Variants in CCDC178 observed in about 807,000 individuals in gnomAD.
CCDC178 encodes the protein coiled-coil domain-containing protein 178.
Under a neutral mutation model 117.4 loss-of-function variants are expected in CCDC178, and 126 were observed. The ratio of observed to expected loss-of-function variants is 1.07; its 90% CI spans 0.93 to 1.24. The LOEUF is 1.24. CCDC178 is among the 50% of genes most tolerant of loss of function. The pLI is 0.00. For synonymous variants in CCDC178, 283 were observed against 313.4 expected (o/e 0.90, Z 1.02); for missense variants, 1,030 against 986.9 (o/e 1.04, Z -0.59).
intron 21 of CCDC178, among the ~76,000 whole-genome samples, chr18:33,014,314 C>T (rs1013176377): frequency 6.6e-6 from 1 of 152,154 alleles, no homozygotes; most frequent in African/African-American, 2.4e-5. Flanking sequence ...TGTAAACAAG[C>T]GCATGCTTAG....
chr18:33,371,782 T>TACAC (rs769582307), intron 5 of CCDC178, among the ~76,000 whole-genome samples: 798 of 53,596 alleles, frequency 0.015, 7 homozygotes, highest in African/African-American at 0.029. Context: ...CATAAACATA[T>TACAC]ATACACACAC....
At chr18:33,333,128 T>C (rs374677433) in intron 10 of CCDC178, 46 bp downstream of exon 10, 53 of 1,225,700 alleles carry the variant, frequency 4.3e-5, no homozygotes, top group Non-Finnish European at 5.9e-5. Flanking sequence ...AGTTTTTGCA[T>C]AACTAAGTAA....
At position 33,382,753 on chromosome 18, in the gene CCDC178, T is replaced by C. The variant is rs867932642; in HGVS notation, c.208+6787A>G. Among the ~76,000 whole-genome samples, 171 of 152,226 alleles carry C rather than the reference T, an allele frequency of 1.1e-3. 1 individual carries two copies. The highest frequency in any genetic ancestry group is 3.8e-3 in the African/African-American group (158 of 41,552). On this transcript the variant is annotated intron_variant, in intron 5 of 22. Transcript: ENST00000383096. ...TCAAGCACAAAACTGGGTGACTGTT[T>C]GGGCAGGCACTGGGCTGCAGGAGTT...
chr18:33,339,292 G>A lies in CCDC178; in HGVS notation c.659-5898C>T, dbSNP rs144905802. The stretch of plus-strand genomic sequence containing the variant: ...AAGCTGAAACATAGTAATCAATAAA[G>A]GAAGCAAAAGTGGACTTTTTAAAAA... On this transcript the variant is annotated intron_variant, in intron 9 of 22. Coordinates refer to ENST00000383096, the MANE Select transcript of CCDC178 (RefSeq NM_001105528.4). Among the ~76,000 whole-genome samples, 1,195 of 151,928 alleles carry A rather than the reference G, an allele frequency of 7.9e-3. 10 individuals carry two copies. Among genetic ancestry groups the A allele is most frequent in the Middle Eastern group, 0.038 (11 of 292 alleles).
intron 14 of CCDC178, among the ~76,000 whole-genome samples, chr18:33,247,838 G>T (rs1259454476): frequency 6.6e-6 from 1 of 151,880 alleles, no homozygotes; most frequent in Non-Finnish European, 1.5e-5. Flanking sequence ...GGATGAATGT[G>T]TGGTGTGTGT....
At chr18:33,122,523 A>G (rs2057950693) in intron 20 of CCDC178, among the ~76,000 whole-genome samples, 1 of 152,154 alleles carries the variant, frequency 6.6e-6, no homozygotes, top group Admixed American at 6.6e-5. Flanking sequence ...GCAAGAATAT[A>G]ACAGGAAAAG....
At chr18:33,362,928 A>G (rs369845036) in intron 6 of CCDC178, among the ~76,000 whole-genome samples, 83 of 143,562 alleles carry the variant, frequency 5.8e-4, no homozygotes, top group African/African-American at 2.1e-3. Context: ...TTGCACCTCA[A>G]CTTTTAAAAT....
rs184785711 is a variant in CCDC178 at position 33,128,733 on chromosome 18, C to T, written c.2239-35823G>A. Reference sequence around the variant, plus strand: ...CTCTGGAAGGCACAATCTCTCTACACGGAGAGAAATCAGTGACTAACATTT... The same window carrying T: ...CTCTGGAAGGCACAATCTCTCTACATGGAGAGAAATCAGTGACTAACATTT... On this transcript the variant is annotated intron_variant, in intron 20 of 22. Coordinates refer to ENST00000383096, the MANE Select transcript of CCDC178 (RefSeq NM_001105528.4). 1.4e-4 allele frequency among the ~76,000 whole-genome samples: 21 copies of T among 152,280 alleles called. No homozygotes were observed. In the East Asian group the frequency reaches 2.5e-3, roughly 18 times the overall value.
At chr18:33,215,466 G>T (rs1019619497) in intron 19 of CCDC178, 84 bp downstream of exon 19, 1 of 792,718 alleles carries the variant, frequency 1.3e-6, no homozygotes, top group South Asian at 2.7e-5. Context: ...ACCATTTTAA[G>T]AATGCATTTT....
At chr18:33,340,590 G>A (rs2062804271) in intron 9 of CCDC178, among the ~76,000 whole-genome samples, 1 of 152,114 alleles carries the variant, frequency 6.6e-6, no homozygotes, top group South Asian at 2.1e-4. Context: ...TGTGGGCCAG[G>A]CCCAGGGTCC....
chr18:33,106,109 T>C (rs1349494121), intron 20 of CCDC178, among the ~76,000 whole-genome samples: 2 of 151,640 alleles, frequency 1.3e-5, no homozygotes, highest in Non-Finnish European at 3.0e-5. Flanking sequence ...CAAGTCTAAA[T>C]TGAAACAATG....
intron 21 of CCDC178, among the ~76,000 whole-genome samples, chr18:33,069,781 A>G (rs1172900330): frequency 6.6e-6 from 1 of 152,016 alleles, no homozygotes; most frequent in Non-Finnish European, 1.5e-5. Context: ...ACTATCCAAT[A>G]AAAGATTCAT....
intron 6 of CCDC178, 52 bp from the exon 7 acceptor site, chr18:33,356,398 A>G: frequency 7.1e-7 from 1 of 1,402,788 alleles, no homozygotes; most frequent in Non-Finnish European, 9.6e-7. Context: ...ATATTAAAAA[A>G]CTGAATAAAT....
chr18:32,983,289 T>C (rs1421995586), intron 21 of CCDC178: 3 of 1,525,006 alleles, frequency 2.0e-6, no homozygotes, highest in Non-Finnish European at 2.6e-6. Flanking sequence ...ACCTGAAAAT[T>C]TGAGAGTTCA....
intron 20 of CCDC178, among the ~76,000 whole-genome samples, chr18:33,208,936 C>T (rs2059076894): frequency 6.6e-6 from 1 of 151,852 alleles, no homozygotes; most frequent in African/African-American, 2.4e-5. Context: ...CATTGTATTT[C>T]TCTCATAAGC....
chr18:33,202,222 T>C (rs771694145), intron 20 of CCDC178, among the ~76,000 whole-genome samples: 59 of 151,562 alleles, frequency 3.9e-4, no homozygotes, highest in Non-Finnish European at 7.5e-4. Context: ...TGAAACCCCG[T>C]CTCTACTAAA....
At chr18:33,338,145 G>A (rs1049227533) in intron 9 of CCDC178, among the ~76,000 whole-genome samples, 3 of 152,160 alleles carry the variant, frequency 2.0e-5, no homozygotes, top group Middle Eastern at 3.4e-3. Context: ...ACAAACATAT[G>A]GAAAAATGTT....
At chr18:33,164,422 A>AT (rs1276220555) in intron 20 of CCDC178, among the ~76,000 whole-genome samples, 6 of 152,076 alleles carry the variant, frequency 3.9e-5, no homozygotes, top group African/African-American at 1.4e-4. Flanking sequence ...ACCAGGATCC[A>AT]TTAGTATTCT....
chr18:33,247,363 T>C (rs2144697116), intron 14 of CCDC178, among the ~76,000 whole-genome samples: 1 of 151,768 alleles, frequency 6.6e-6, no homozygotes, highest in Non-Finnish European at 1.5e-5. Context: ...AAAAGAAATT[T>C]TGACACACAG....
Sources: allele counts gnomAD v4.1 joint callset (sites outside exome capture counted in the v4.1 genomes callset), GRCh38; gene constraint gnomAD v4.1.1; transcripts MANE v1.5; gene names NCBI Gene and HGNC (gene_info 2026-07-23, HGNC 2026-07-21).